Variants in OPCML observed in about 807,000 individuals in gnomAD.
OPCML encodes opioid binding protein/cell adhesion molecule like, also known as opioid-binding protein/cell adhesion molecule.
In OPCML, 13 loss-of-function variants were observed where a neutral mutation model predicts 37.8. The ratio of observed to expected loss-of-function variants is 0.34; its 90% CI spans 0.22 to 0.55. The LOEUF is 0.55. OPCML is among the 20% of genes least tolerant of loss of function. The pLI is 0.91. For missense variants in OPCML, 341 were observed against 435.6 expected (o/e 0.78, Z 1.93); for synonymous variants, 176 against 168.8 (o/e 1.04, Z -0.33).
In OPCML at chr11:132,510,801, C is replaced by G. The variant is rs369562288; in HGVS notation, c.505+18260G>C. The stretch of plus-strand genomic sequence containing the variant: ...ATAAACACACATACACACAAATCAG[C>G]TACTAGGAATAGAAAATAACTTCTC... On this transcript the variant is annotated intron_variant, in intron 4 of 7. Coordinates refer to ENST00000524381, the MANE Select transcript of OPCML (RefSeq NM_001012393.5). 2.6e-5 allele frequency among the ~76,000 whole-genome samples: 4 copies of G among 152,224 alleles called. No homozygotes were observed. The South Asian group carries it at 8.3e-4, about 32-fold the overall frequency.
At chr11:132,659,266 C>A (rs1360295335) in intron 2 of OPCML, among the ~76,000 whole-genome samples, 1 of 152,216 alleles carries the variant, frequency 6.6e-6, no homozygotes, top group Non-Finnish European at 1.5e-5. Flanking sequence ...CTGCTCCCCA[C>A]TTTCAAAGGC....
At chr11:132,769,984 G>C (rs1229872417) in intron 2 of OPCML, among the ~76,000 whole-genome samples, 2 of 152,116 alleles carry the variant, frequency 1.3e-5, no homozygotes, top group Non-Finnish European at 2.9e-5. Context: ...CTGCACCCTG[G>C]GGTTGTGTGC....
intron 1 of OPCML, among the ~76,000 whole-genome samples, chr11:133,022,401 T>G (rs1200603937): frequency 1.3e-5 from 2 of 152,186 alleles, no homozygotes; most frequent in Non-Finnish European, 2.9e-5. Context: ...TGCAGTTTCG[T>G]TACATGGATA....
intron 1 of OPCML, among the ~76,000 whole-genome samples, chr11:133,290,446 G>A (rs543436434): frequency 1.3e-5 from 2 of 152,152 alleles, no homozygotes; most frequent in East Asian, 1.9e-4. Context: ...ACTCTCCCCC[G>A]TAAGGACCAT....
intron 7 of OPCML, 107 bp downstream of exon 7, chr11:132,435,979 G>T (rs1706362931): frequency 8.8e-7 from 1 of 1,142,604 alleles, no homozygotes; most frequent in Non-Finnish European, 1.2e-6. Flanking sequence ...GGTGGGTTGA[G>T]TAGGATGGAT....
At chr11:133,135,471 C>G (rs1383285449) in intron 1 of OPCML, among the ~76,000 whole-genome samples, 2 of 143,148 alleles carry the variant, frequency 1.4e-5, no homozygotes, top group Non-Finnish European at 3.0e-5. Context: ...ACTGTTGGGA[C>G]AGACTGGGTT....
intron 1 of OPCML, among the ~76,000 whole-genome samples, chr11:133,043,307 C>T (rs113404498): frequency 3.1e-3 from 473 of 152,258 alleles, no homozygotes; most frequent in African/African-American, 0.01. Flanking sequence ...TGGAATTGAT[C>T]GTGAGAGGGC....
At chr11:132,948,867 A>G (rs2136692176) in intron 1 of OPCML, among the ~76,000 whole-genome samples, 1 of 152,350 alleles carries the variant, frequency 6.6e-6, no homozygotes, top group East Asian at 1.9e-4. Context: ...TGTACAAACT[A>G]GAGATTCTAC....
At chr11:132,813,802 G>C (rs575753522) in intron 2 of OPCML, among the ~76,000 whole-genome samples, 1 of 151,960 alleles carries the variant, frequency 6.6e-6, no homozygotes, top group African/African-American at 2.4e-5. Flanking sequence ...GCTTCCCCCG[G>C]TGTATTGCTC....
intron 1 of OPCML, among the ~76,000 whole-genome samples, chr11:133,437,718 C>T (rs1010489020): frequency 1.4e-5 from 2 of 140,706 alleles, no homozygotes; most frequent in African/African-American, 5.6e-5. Flanking sequence ...CCCCTCTCAA[C>T]CCCGCTCACC....
At chr11:132,944,661 G>T (rs767582930) in intron 1 of OPCML, among the ~76,000 whole-genome samples, 3 of 152,194 alleles carry the variant, frequency 2.0e-5, no homozygotes, top group African/African-American at 7.2e-5. Context: ...CACAGGAAGC[G>T]GCGCCGCAGT....
chr11:132,846,827 G>A (rs749369874), intron 2 of OPCML, among the ~76,000 whole-genome samples: 3 of 152,146 alleles, frequency 2.0e-5, no homozygotes, highest in Admixed American at 6.5e-5. Flanking sequence ...GGAGAGCTCT[G>A]TATGTCTGAA....
At chr11:132,705,591 CA>C (rs1460689612) in intron 2 of OPCML, among the ~76,000 whole-genome samples, 1 of 151,460 alleles carries the variant, frequency 6.6e-6, no homozygotes, top group Non-Finnish European at 1.5e-5. Context: ...GACCTGGTCT[CA>C]AAAAAAATAA....
intron 1 of OPCML, among the ~76,000 whole-genome samples, chr11:133,415,204 T>C (rs997253762): frequency 3.9e-5 from 6 of 152,012 alleles, no homozygotes; most frequent in African/African-American, 1.4e-4. Context: ...GGTCAGGAGA[T>C]TGAGACCATC....
intron 3 of OPCML, among the ~76,000 whole-genome samples, chr11:132,590,717 G>A (rs959606644): frequency 8.5e-5 from 13 of 152,054 alleles, no homozygotes; most frequent in East Asian, 1.9e-4. Flanking sequence ...CGGCACACAC[G>A]CATGACACCA....
intron 2 of OPCML, among the ~76,000 whole-genome samples, chr11:132,763,927 A>G (rs1946349225): frequency 6.6e-6 from 1 of 152,232 alleles, no homozygotes; most frequent in African/African-American, 2.4e-5. Context: ...AAATAAATCA[A>G]CTTGTGAATA....
At chr11:132,921,121 G>A (rs935336803) in intron 2 of OPCML, among the ~76,000 whole-genome samples, 5 of 152,166 alleles carry the variant, frequency 3.3e-5, no homozygotes, top group African/African-American at 1.2e-4. Context: ...AGTACTGTGT[G>A]AGGTTGTTTA....
chr11:132,422,216 G>A (rs1357414590), intron 7 of OPCML, among the ~76,000 whole-genome samples: 1 of 152,132 alleles, frequency 6.6e-6, no homozygotes, highest in African/African-American at 2.4e-5. Flanking sequence ...GAACTCTTGA[G>A]TATAGGAGTC....
chr11:132,432,982 G>C (rs984901256), intron 7 of OPCML, among the ~76,000 whole-genome samples: 2 of 152,218 alleles, frequency 1.3e-5, no homozygotes, highest in Non-Finnish European at 2.9e-5. Flanking sequence ...CGCGGAATGA[G>C]TGGATGCAGA....
Sources: allele counts gnomAD v4.1 joint callset (sites outside exome capture counted in the v4.1 genomes callset), GRCh38; gene constraint gnomAD v4.1.1; transcripts MANE v1.5; gene names NCBI Gene and HGNC (gene_info 2026-07-23, HGNC 2026-07-21).